The following RHEB variants were observed in gnomAD, a reference collection of about 807,000 sequenced individuals.
RHEB encodes GTP-binding protein Rheb.
Under a neutral mutation model 28.8 loss-of-function variants are expected in RHEB, and 2 were observed. That is an observed-to-expected ratio of 0.07 (90% CI 0.03 to 0.22). RHEB has a LOEUF of 0.22. Ranked by LOEUF, RHEB falls within the 10% of genes least tolerant of loss-of-function variation. RHEB has a pLI of 1.00. For synonymous variants in RHEB, 69 were observed against 77.3 expected, an observed-to-expected ratio of 0.89 and a Z score of 0.56; for missense variants, 76 against 219.9, an observed-to-expected ratio of 0.35 and a Z score of 4.14.
At chr7:151,511,882 C>T (rs939606204) in intron 1 of RHEB, among the ~76,000 whole-genome samples, 1 of 152,150 alleles carries the variant, frequency 6.6e-6, no homozygotes, top group Non-Finnish European at 1.5e-5. Context: ...AACTCCTGAC[C>T]TCAGGTGATC....
At chr7:151,516,862 A>G (rs775586878) in intron 1 of RHEB, among the ~76,000 whole-genome samples, 1 of 152,126 alleles carries the variant, frequency 6.6e-6, no homozygotes, top group Non-Finnish European at 1.5e-5. Context: ...ATCACAAAAT[A>G]CCACAATCTA....
intron 1 of RHEB, among the ~76,000 whole-genome samples, chr7:151,497,198 A>G (rs1243058161): frequency 6.6e-6 from 1 of 152,140 alleles, no homozygotes; most frequent in Non-Finnish European, 1.5e-5. Flanking sequence ...GCTAAGGTCT[A>G]TCCCTCCATG....
chr7:151,515,066 G>T (rs1180484499), intron 1 of RHEB, among the ~76,000 whole-genome samples: 1 of 76,828 alleles, frequency 1.3e-5, no homozygotes, highest in Non-Finnish European at 2.5e-5. Context: ...AAAAATAATA[G>T]CCAAAAAAAA....
At chr7:151,485,079 A>G (rs2150926595) in intron 2 of RHEB, among the ~76,000 whole-genome samples, 1 of 152,368 alleles carries the variant, frequency 6.6e-6, no homozygotes, top group Non-Finnish European at 1.5e-5. Context: ...CTATAATAGT[A>G]ATTTGAATGC....
At chr7:151,518,758 ACCTTATT>A (rs1179713082) in intron 1 of RHEB, among the ~76,000 whole-genome samples, 1 of 152,150 alleles carries the variant, frequency 6.6e-6, no homozygotes, top group Non-Finnish European at 1.5e-5. Flanking sequence ...CAAGTACCTG[ACCTTATT>A]CCTTCCCGAA....
In RHEB at chr7:151,498,156, G is replaced by A. The variant is rs949206451; in HGVS notation, c.53-7142C>T. Reference sequence around the variant, plus strand: ...AGAACTATAACACCACTCACAACAGGTGCGTAGGTCCTGGCTTGAGGAACC... The same window carrying A: ...AGAACTATAACACCACTCACAACAGATGCGTAGGTCCTGGCTTGAGGAACC... On this transcript the variant is annotated intron_variant, in intron 1 of 7. Transcript: ENST00000262187. 1.3e-5 allele frequency: 17 copies of A among 1,289,620 alleles called. No individual in the cohort carries two copies. The East Asian group carries it at 4.4e-4, about 34-fold the overall frequency. The allele number at this position is 1,289,620 out of a possible 1,614,324, so 79.9% of individuals were successfully genotyped here.
chr7:151,471,244 T>C (rs1275500643), intron 6 of RHEB, 150 bp downstream of exon 6: 4 of 604,966 alleles, frequency 6.6e-6, no homozygotes, highest in Non-Finnish European at 1.2e-5. Flanking sequence ...GAGATTTCTA[T>C]TCCACTTTTG....
At chr7:151,489,424 C>T (rs575385855) in intron 2 of RHEB, among the ~76,000 whole-genome samples, 2 of 152,192 alleles carry the variant, frequency 1.3e-5, no homozygotes, top group South Asian at 4.1e-4. Flanking sequence ...CCTGTAGATA[C>T]CCAGAGGTTA....
intron 3 of RHEB, among the ~76,000 whole-genome samples, chr7:151,479,426 T>C (rs1802331618): frequency 6.6e-6 from 1 of 152,200 alleles, no homozygotes; most frequent in African/African-American, 2.4e-5. Flanking sequence ...CTCACGTCTG[T>C]AATCCCAGCA....
intron 1 of RHEB, among the ~76,000 whole-genome samples, chr7:151,507,794 T>C (rs896079041): frequency 6.6e-6 from 1 of 152,212 alleles, no homozygotes; most frequent in Non-Finnish European, 1.5e-5. Flanking sequence ...TAGGTAACCC[T>C]ATTGCCAATT....
At chr7:151,485,864 A>G (rs572575360) in intron 2 of RHEB, among the ~76,000 whole-genome samples, 1 of 152,322 alleles carries the variant, frequency 6.6e-6, no homozygotes, top group South Asian at 2.1e-4. Context: ...GGGGGCCAAA[A>G]GTCAGGTGAG....
chr7:151,509,341 C>A (rs1442074638), intron 1 of RHEB, among the ~76,000 whole-genome samples: 1 of 152,210 alleles, frequency 6.6e-6, no homozygotes, highest in Non-Finnish European at 1.5e-5. Context: ...GTCGCTAGGG[C>A]CTCTGTGGCC....
intron 2 of RHEB, among the ~76,000 whole-genome samples, chr7:151,490,133 C>CAAGGATTGATT (rs1169798353): frequency 3.9e-5 from 6 of 152,104 alleles, no homozygotes; most frequent in African/African-American, 1.4e-4. Flanking sequence ...CTTGGCGATC[C>CAAGGATTGATT]CTAGAATCAA....
At chr7:151,509,056 C>A (rs1033602311) in intron 1 of RHEB, among the ~76,000 whole-genome samples, 3 of 152,142 alleles carry the variant, frequency 2.0e-5, no homozygotes, top group Non-Finnish European at 4.4e-5. Flanking sequence ...ATGAAAAGAT[C>A]TAGAGAAAGA....
chr7:151,517,084 C>A (rs1339924698), intron 1 of RHEB, among the ~76,000 whole-genome samples: 1 of 152,218 alleles, frequency 6.6e-6, no homozygotes, highest in African/African-American at 2.4e-5. Context: ...TCAAATGCGG[C>A]TGGGCATGGT....
chr7:151,492,862 G>A (rs780268143), intron 1 of RHEB, among the ~76,000 whole-genome samples: 1 of 134,542 alleles, frequency 7.4e-6, no homozygotes, highest in South Asian at 2.3e-4. Context: ...TTTTTGAGAC[G>A]GAGTCTTGCT....
chr7:151,477,488 A>G, intron 3 of RHEB, 73 bp from the exon 4 acceptor site: 1 of 810,532 alleles, frequency 1.2e-6, no homozygotes, highest in Non-Finnish European at 2.1e-6. Context: ...AAAGTTTTTC[A>G]TGTATTACCT....
chr7:151,518,429 T>G (rs1803120158), intron 1 of RHEB, among the ~76,000 whole-genome samples: 1 of 152,018 alleles, frequency 6.6e-6, no homozygotes, highest in Admixed American at 6.6e-5. Context: ...CCCCATCCCC[T>G]CAACTGTGGC....
In RHEB at chr7:151,468,591, T is replaced by A. The variant is rs1433001875; in HGVS notation, c.463-1380A>T. 6.6e-6 allele frequency among the ~76,000 whole-genome samples: 1 copy of A among 152,240 alleles called. No individual in the cohort carries two copies. Among genetic ancestry groups the A allele is most frequent in the African/African-American group, 2.4e-5 (1 of 41,470 alleles). ...CTTCTCCTCAAATGTTCCCCGTGCT[T>A]ACGCTCAGCTGAAAACCTTGTTTTA... is the stretch of plus-strand genomic sequence containing the variant. On this transcript the variant is annotated intron_variant, in intron 7 of 7. Transcript: ENST00000262187. The surrounding 1 kb of genome is among the most constrained non-coding windows in gnomAD (Gnocchi z 4.3).
Sources: gnomAD v4.1 joint callset for allele counts (sites outside exome capture counted in the v4.1 genomes callset) on GRCh38, gnomAD v4.1.1 for gene constraint, Gnocchi (gnomAD v3.1) non-coding constraint, MANE v1.5 for transcripts, NCBI Gene and HGNC (gene_info 2026-07-23, HGNC 2026-07-21) for gene names.